Variants in MAD1L1 observed in about 807,000 individuals in gnomAD.
MAD1L1 encodes the protein mitotic arrest deficient 1 like 1, also known as mitotic spindle assembly checkpoint protein MAD1.
MAD1L1 carries 95 observed loss-of-function variants against 96.9 expected under a neutral mutation model. That is an observed-to-expected ratio of 0.98 (90% confidence interval 0.83 to 1.16). MAD1L1 has a LOEUF of 1.16. MAD1L1 is among the 50% of genes most tolerant of loss of function. MAD1L1 has a pLI of 0.00. For synonymous variants in MAD1L1, 473 were observed against 396.6 expected (o/e 1.19, Z -2.29); for missense variants, 1,007 against 954.4 (o/e 1.06, Z -0.73).
chr7:2,079,953 G>C (rs1377867485), intron 11 of MAD1L1: 1 of 360,526 alleles, frequency 2.8e-6, no homozygotes, highest in Admixed American at 3.8e-5. Context: ...AGGCACAGCA[G>C]GTGTCCTGGA....
Position 1,922,139 on chromosome 7 carries a change from G to A in MAD1L1, c.1807+14548C>T, listed in dbSNP as rs537895668. Among the ~76,000 whole-genome samples, 226 of 152,362 alleles carry A rather than the reference G, an allele frequency of 1.5e-3. 6 individuals are homozygous for A. In the South Asian group the frequency reaches 0.045, roughly 30 times the overall value. ...ACCTGGAGAGCCACAGGCTGCAGGC[G>A]GGCTGAGGTCGGAACCCAGAACCAC... is the stretch of plus-strand genomic sequence containing the variant. On this transcript the variant is annotated intron_variant, in intron 17 of 18. Transcript: ENST00000265854.
intron 11 of MAD1L1, among the ~76,000 whole-genome samples, chr7:2,076,049 T>C (rs1785357392): frequency 6.6e-6 from 1 of 152,196 alleles, no homozygotes; most frequent in African/African-American, 2.4e-5. Context: ...GCGAAGCAGT[T>C]GTGTGCTCCC....
chr7:2,057,879 C>G (rs1304950752), intron 12 of MAD1L1, among the ~76,000 whole-genome samples: 1 of 152,240 alleles, frequency 6.6e-6, no homozygotes, highest in African/African-American at 2.4e-5. Context: ...GCGCCCGTCA[C>G]AGCCTGAAGG....
At chr7:2,192,556 C>A (rs775370685) in intron 10 of MAD1L1, among the ~76,000 whole-genome samples, 1 of 152,184 alleles carries the variant, frequency 6.6e-6, no homozygotes, top group Non-Finnish European at 1.5e-5. Flanking sequence ...CTATCAGCCA[C>A]CTAAGCCGGT....
At chr7:2,232,669 A>C (rs937145820) in intron 1 of MAD1L1, among the ~76,000 whole-genome samples, 6 of 151,826 alleles carry the variant, frequency 4.0e-5, no homozygotes, top group Non-Finnish European at 7.4e-5. Flanking sequence ...GGGACAGGGG[A>C]GTGGGGAGAG....
At chr7:2,105,908 G>A (rs1215760445) in intron 11 of MAD1L1, among the ~76,000 whole-genome samples, 2 of 151,990 alleles carry the variant, frequency 1.3e-5, no homozygotes, top group Non-Finnish European at 2.9e-5. Flanking sequence ...ACACCTTCTG[G>A]AGCACAGTCC....
intron 12 of MAD1L1, among the ~76,000 whole-genome samples, chr7:2,025,885 T>A (rs1782975610): frequency 1.3e-5 from 2 of 152,104 alleles, no homozygotes; most frequent in African/African-American, 4.8e-5. Flanking sequence ...CATAACAAGA[T>A]AACGATCATA....
intron 18 of MAD1L1, among the ~76,000 whole-genome samples, chr7:1,875,088 C>A (rs1785312739): frequency 6.6e-6 from 1 of 152,178 alleles, no homozygotes; most frequent in Non-Finnish European, 1.5e-5. Flanking sequence ...CAGTCCCAAT[C>A]CAGGTGAAGG....
intron 17 of MAD1L1, among the ~76,000 whole-genome samples, chr7:1,908,817 T>A (rs1787835302): frequency 6.6e-6 from 1 of 151,912 alleles, no homozygotes. Context: ...ATTATGAAAC[T>A]CCCCCAGCAT....
chr7:2,183,861 C>T (rs935767407), intron 10 of MAD1L1, among the ~76,000 whole-genome samples: 2 of 151,774 alleles, frequency 1.3e-5, no homozygotes, highest in Non-Finnish European at 1.5e-5. Context: ...ATGTAACAAA[C>T]CTGCACGTTG....
chr7:2,133,038 C>T (rs1788592389), intron 11 of MAD1L1, among the ~76,000 whole-genome samples: 1 of 152,234 alleles, frequency 6.6e-6, no homozygotes, highest in African/African-American at 2.4e-5. Context: ...CTGTTCAGAG[C>T]TCACCCATTT....
chr7:1,917,448 G>C (rs1418252465), intron 17 of MAD1L1, among the ~76,000 whole-genome samples: 1 of 152,220 alleles, frequency 6.6e-6, no homozygotes, highest in East Asian at 1.9e-4. Flanking sequence ...CAGACAGCCA[G>C]AGCTCCCAGC....
At chr7:2,147,229 G>A (rs1054151571) in intron 11 of MAD1L1, among the ~76,000 whole-genome samples, 2 of 152,208 alleles carry the variant, frequency 1.3e-5, no homozygotes, top group African/African-American at 4.8e-5. Context: ...CACATGACCA[G>A]CAAGGAGCAG....
At chr7:2,106,668 A>G (rs1200008648) in intron 11 of MAD1L1, among the ~76,000 whole-genome samples, 1 of 152,222 alleles carries the variant, frequency 6.6e-6, no homozygotes, top group Non-Finnish European at 1.5e-5. Flanking sequence ...CCCATCCCGC[A>G]AAAGACGCCT....
At chr7:1,863,525 G>C (rs957173147) in intron 18 of MAD1L1, among the ~76,000 whole-genome samples, 2 of 152,240 alleles carry the variant, frequency 1.3e-5, no homozygotes, top group African/African-American at 2.4e-5. Flanking sequence ...TGAAGGCCCG[G>C]GAGCCAGTAC....
chr7:1,962,419 T>C (rs1158532335), intron 15 of MAD1L1, among the ~76,000 whole-genome samples: 1 of 152,222 alleles, frequency 6.6e-6, no homozygotes, highest in East Asian at 1.9e-4. Context: ...AATGGACTAA[T>C]ATCCAAAGGA....
chr7:2,063,630 G>C (rs542270996), intron 12 of MAD1L1, among the ~76,000 whole-genome samples: 1 of 152,220 alleles, frequency 6.6e-6, no homozygotes, highest in Non-Finnish European at 1.5e-5. Flanking sequence ...TTCCAGGAGA[G>C]ATGAAAATAA....
At chr7:2,067,622 GAACCACCGCAGTGGTCAGC>G (rs1562654822) in intron 12 of MAD1L1, among the ~76,000 whole-genome samples, 27 of 152,208 alleles carry the variant, frequency 1.8e-4, no homozygotes, top group African/African-American at 6.5e-4. Flanking sequence ...TGGTCAGCCC[GAACCACCGCAGTGGTCAGC>G]CCGCGTGCTG....
intron 11 of MAD1L1, among the ~76,000 whole-genome samples, chr7:2,073,846 C>T (rs1472259558): frequency 6.6e-6 from 1 of 152,208 alleles, no homozygotes; most frequent in South Asian, 2.1e-4. Flanking sequence ...GAGCAACACA[C>T]ATTCCCGGCT....
Sources: gnomAD v4.1 joint callset for allele counts (sites outside exome capture counted in the v4.1 genomes callset) on GRCh38, gnomAD v4.1.1 for gene constraint, MANE v1.5 for transcripts, NCBI Gene and HGNC (gene_info 2026-07-23, HGNC 2026-07-21) for gene names.